The following CLSTN1 variants were observed in gnomAD, a reference collection of about 807,000 sequenced individuals.
The protein encoded by CLSTN1 is calsyntenin 1.
CLSTN1 carries 28 observed loss-of-function variants against 108.3 expected under a neutral mutation model. The ratio of observed to expected loss-of-function variants is 0.26; its 90% confidence interval spans 0.19 to 0.35. CLSTN1 has a LOEUF of 0.35. Among genes scored for constraint, CLSTN1 ranks in the 10% least tolerant of loss-of-function variants. The probability of loss-of-function intolerance (pLI) is 1.00; values close to 1 mark genes in which losing one functional copy is unlikely to be tolerated. For synonymous variants in CLSTN1, 524 were observed against 534.9 expected (o/e 0.98, Z 0.28); for missense variants, 1,157 against 1,302.6 (o/e 0.89, Z 1.72).
chr1:9,819,617 C>T (rs917131907), intron 1 of CLSTN1, among the ~76,000 whole-genome samples: 10 of 152,110 alleles, frequency 6.6e-5, no homozygotes, highest in African/African-American at 9.7e-5. Flanking sequence ...TGGTTTCATG[C>T]TTTTTCTCCC....
rs772152192 is a variant in CLSTN1, at chr1:9,744,695, CA to C, written c.986-53del. ...CATGTGAGGAGCCAGAGGTCCCGCG[CA>C]CCTCAAGCCCCCAGGCACGTGCTTG... On this transcript the variant is annotated intron_variant, in intron 7 of 18. Coordinates refer to ENST00000377298, the MANE Select transcript of CLSTN1 (RefSeq NM_001009566.3). 6 of 1,543,454 alleles carry C rather than the reference CA, an allele frequency of 3.9e-6. No homozygotes were observed. The East Asian group carries it at 1.2e-4, about 30-fold the overall frequency.
chr1:9,765,469 G>A (rs1396622630), intron 2 of CLSTN1, among the ~76,000 whole-genome samples: 1 of 151,598 alleles, frequency 6.6e-6, no homozygotes, highest in Non-Finnish European at 1.5e-5. Flanking sequence ...GGATCTTGAG[G>A]TCAAGAGTTT....
intron 13 of CLSTN1, 100 bp from the exon 14 acceptor site, chr1:9,735,274 A>C: frequency 7.1e-7 from 1 of 1,413,368 alleles, no homozygotes; most frequent in Non-Finnish European, 9.9e-7. Flanking sequence ...GCCCCCACTA[A>C]CACCTGCCGG....
Position 9,731,389 on chromosome 1 carries a change from G to GAC in CLSTN1, c.2564-1_2564dup (p.Val856SerfsTer9). ...TCACAACTGTCGCAGTGCTGGGGAC[G>GAC]ACTGTGGGAGAATGAGGGGGCGGGA... On this transcript the variant is annotated frameshift_variant and splice_region_variant, in exon 18 of 19. Coordinates refer to ENST00000377298, the MANE Select transcript of CLSTN1 (RefSeq NM_001009566.3). LOFTEE classifies it high-confidence loss of function. 1 of 1,612,942 alleles carries GAC rather than the reference G, an allele frequency of 6.2e-7. No homozygotes were observed. Among genetic ancestry groups the GAC allele is most frequent in the Non-Finnish European group, 8.5e-7 (1 of 1,179,018 alleles).
chr1:9,733,451 T>A lies in CLSTN1; in HGVS notation c.2377A>T (p.Ile793Phe). The A allele has an allele frequency of 6.2e-7, 1 of 1,614,222 alleles. No individual in the cohort carries two copies. Among genetic ancestry groups the A allele is most frequent in the Non-Finnish European group, 8.5e-7 (1 of 1,180,032 alleles). Residue 793 changes from isoleucine (I) to phenylalanine (F), a missense_variant, in exon 16 of 19, where the codon ATC becomes TTC. Ile to Phe is a conservative substitution (Grantham distance 21). Transcript: ENST00000377298. ...TAGCGGCCATTCAGCTCTGAGCAGA[T>A]GAGCTTAAACTTCCGGTCAAGCAAG... is the stretch of plus-strand genomic sequence containing the variant. ...RSLLDRKFKL[I>F]CSELNGRYIS... is the part of the protein sequence containing the mutation.
At chr1:9,732,707 G>A (rs113373210) in intron 16 of CLSTN1, among the ~76,000 whole-genome samples, 1 of 152,230 alleles carries the variant, frequency 6.6e-6, no homozygotes, top group African/African-American at 2.4e-5. Context: ...CAGAGCAGGA[G>A]GAGCTACCCT....
chr1:9,730,272 C>T lies in CLSTN1; in HGVS notation c.*236G>A, dbSNP rs1463632777. 1.0e-5 allele frequency: 6 copies of T among 577,256 alleles called. No individual in the cohort carries two copies. Among genetic ancestry groups the T allele is most frequent in the Non-Finnish European group, 1.9e-5 (6 of 321,698 alleles). 35.8% of individuals were successfully genotyped at this position (577,256 alleles called of 1,614,324 possible). A position where few individuals can be genotyped will look rare whatever the true frequency, so the allele number is the denominator to read the frequency against. ...GGCGCTGGGAGGCCCCTGTGCGAGC[C>T]GGATGGCGGCCAGAGAGGACGTGTC... On this transcript the variant is annotated 3_prime_UTR_variant, in exon 19 of 19. Coordinates refer to ENST00000377298, the MANE Select transcript of CLSTN1 (RefSeq NM_001009566.3). The surrounding 1 kb of genome is among the most constrained non-coding windows in gnomAD (Gnocchi z 5.6).
chr1:9,785,931 T>G (rs1348973954), intron 1 of CLSTN1, among the ~76,000 whole-genome samples: 1 of 151,770 alleles, frequency 6.6e-6, no homozygotes, highest in Non-Finnish European at 1.5e-5. Context: ...ATCCCAGCAA[T>G]TTGGGAGGTT....
intron 1 of CLSTN1, among the ~76,000 whole-genome samples, chr1:9,785,739 T>G (rs529008972): frequency 6.6e-6 from 1 of 152,064 alleles, no homozygotes; most frequent in African/African-American, 2.4e-5. Context: ...TGAAAATCAC[T>G]TGTACACTTT....
rs200312852 is a variant in CLSTN1 at position 9,735,000 on chromosome 1, G to A, written c.2058C>T (p.Ser686=). The A allele has an allele frequency of 9.7e-5, 157 of 1,614,250 alleles. No individual in the cohort carries two copies. The East Asian group carries it at 3.4e-3, about 35-fold the overall frequency. The change falls in exon 14 of 19, where the codon AGC becomes AGT. Residue 686 remains serine, a synonymous_variant. Transcript: ENST00000377298. This position sits in a 1 kb window ranked among gnomAD's most constrained non-coding sequence, Gnocchi z 4.8. ...CAGGCTCCACTTCTCTCGTGATGGT[G>A]CTGATGATGCGAAGCTCAGGGAAAA... is the stretch of plus-strand genomic sequence containing the variant. The part of the protein sequence containing the change: ...VFLFPELRII[S]TITREVEPEG...
intron 18 of CLSTN1, 105 bp downstream of exon 18, chr1:9,731,101 C>T (rs764071168): frequency 6.8e-6 from 9 of 1,327,994 alleles, no homozygotes; most frequent in East Asian, 2.3e-5. Context: ...GAGCAGATGA[C>T]GCGATGGAAA....
chr1:9,766,304 CCCA>C (rs1652328874), intron 2 of CLSTN1, among the ~76,000 whole-genome samples: 1 of 152,156 alleles, frequency 6.6e-6, no homozygotes, highest in Non-Finnish European at 1.5e-5. Flanking sequence ...TCTTCAAGGC[CCCA>C]ACCCTGTGGC....
chr1:9,735,150 A>C lies in CLSTN1; in HGVS notation c.1908T>G (p.Ile636Met). 6.2e-7 allele frequency: 1 copy of C among 1,614,210 alleles called. No homozygotes were observed. Among genetic ancestry groups the C allele is most frequent in the Non-Finnish European group, 8.5e-7 (1 of 1,180,036 alleles). Residue 636 changes from isoleucine to methionine, a missense_variant, in exon 14 of 19, where the codon ATT (isoleucine) becomes ATG (methionine). By Grantham distance (10) the Ile-to-Met change is conservative. Transcript: ENST00000377298. ...CGTAGCCATCTACCGGGGGGACCGA[A>C]ATGCAGGTGGCCTCGTTAAAACACC... The part of the protein sequence containing the change: ...TIKCFNEATC[I>M]SVPPVDGYVM...
chr1:9,753,031 C>T (rs1477479986), intron 4 of CLSTN1, among the ~76,000 whole-genome samples: 1 of 152,106 alleles, frequency 6.6e-6, no homozygotes, highest in Non-Finnish European at 1.5e-5. Context: ...CTTGAGAACA[C>T]CAGCAGTCCC....
intron 17 of CLSTN1, 57 bp from the exon 18 acceptor site, chr1:9,731,447 C>G: frequency 6.4e-7 from 1 of 1,557,040 alleles, no homozygotes. Context: ...GGCCACTGTG[C>G]CCTTGACCTC....
At chr1:9,799,424 G>A (rs1225017817) in intron 1 of CLSTN1, among the ~76,000 whole-genome samples, 3 of 151,946 alleles carry the variant, frequency 2.0e-5, no homozygotes, top group African/African-American at 7.3e-5. Flanking sequence ...GGTGGATCAC[G>A]AAGTCAGGAG....
intron 1 of CLSTN1, among the ~76,000 whole-genome samples, chr1:9,818,505 T>C (rs1655069238): frequency 6.6e-6 from 1 of 151,474 alleles, no homozygotes. Context: ...ATTTTTGTAT[T>C]TTTAGTAGAG....
At chr1:9,813,678 G>C (rs998289544) in intron 1 of CLSTN1, among the ~76,000 whole-genome samples, 6 of 152,074 alleles carry the variant, frequency 3.9e-5, no homozygotes, top group Non-Finnish European at 7.3e-5. Flanking sequence ...ATTTCAGATG[G>C]AATTCATTAT....
At chr1:9,790,991 G>A (rs1211319754) in intron 1 of CLSTN1, among the ~76,000 whole-genome samples, 2 of 151,120 alleles carry the variant, frequency 1.3e-5, no homozygotes, top group Admixed American at 1.3e-4. Flanking sequence ...AATTAGCCAG[G>A]CGTGGTGGTG....
Sources: allele counts gnomAD v4.1 joint callset (sites outside exome capture counted in the v4.1 genomes callset), GRCh38; gene constraint gnomAD v4.1.1; non-coding constraint Gnocchi (gnomAD v3.1); transcripts MANE v1.5; gene names NCBI Gene and HGNC (gene_info 2026-07-23, HGNC 2026-07-21).